The following MEGF11 variants were observed in gnomAD, a reference collection of about 807,000 sequenced individuals.
MEGF11 encodes multiple EGF like domains 11.
In MEGF11, 126 loss-of-function variants were observed where a neutral mutation model predicts 146.6. The ratio of observed to expected loss-of-function variants is 0.86; its 90% CI spans 0.74 to 1.00. MEGF11 has a LOEUF of 1.00. Ranked by LOEUF, MEGF11 falls within the 50% of genes least tolerant of loss-of-function variation. MEGF11 has a pLI of 0.00. For synonymous variants in MEGF11, 532 were observed against 583.4 expected, an observed-to-expected ratio of 0.91 and a Z score of 1.27; for missense variants, 1,509 against 1,521.2, an observed-to-expected ratio of 0.99 and a Z score of 0.13.
At chr15:65,984,191 A>G (rs973958061) in intron 5 of MEGF11, among the ~76,000 whole-genome samples, 1 of 152,146 alleles carries the variant, frequency 6.6e-6, no homozygotes, top group Admixed American at 6.5e-5. Flanking sequence ...TAAAGCAAAA[A>G]TTAAATCCAT....
At chr15:65,900,913 G>T (rs1223990466) in intron 24 of MEGF11, among the ~76,000 whole-genome samples, 1 of 152,204 alleles carries the variant, frequency 6.6e-6, no homozygotes, top group Non-Finnish European at 1.5e-5. Flanking sequence ...CCAGATATAG[G>T]CCCAGATGCT....
At chr15:66,230,746 G>C (rs900109925) in intron 1 of MEGF11, among the ~76,000 whole-genome samples, 5 of 152,230 alleles carry the variant, frequency 3.3e-5, no homozygotes, top group Non-Finnish European at 5.9e-5. Flanking sequence ...GCACTATACT[G>C]TTCTCTCTAC....
At chr15:65,936,782 A>G (rs1238890423) in intron 10 of MEGF11, among the ~76,000 whole-genome samples, 1 of 152,212 alleles carries the variant, frequency 6.6e-6, no homozygotes, top group African/African-American at 2.4e-5. Flanking sequence ...TTTGTAAATA[A>G]TGTGTGAGTG....
chr15:66,207,975 C>T (rs1168750678), intron 1 of MEGF11, among the ~76,000 whole-genome samples: 1 of 151,796 alleles, frequency 6.6e-6, no homozygotes, highest in Non-Finnish European at 1.5e-5. Context: ...GTCCCAGCTA[C>T]TGGGGAGGCT....
chr15:65,912,475 G>A (rs2078845113), intron 20 of MEGF11: 2 of 266,666 alleles, frequency 7.5e-6, no homozygotes, highest in Non-Finnish European at 1.4e-5. Context: ...GAGCCTGGAT[G>A]GGGCATGTTT....
At chr15:66,025,797 C>G (rs778959007) in intron 5 of MEGF11, among the ~76,000 whole-genome samples, 2 of 152,140 alleles carry the variant, frequency 1.3e-5, no homozygotes, top group Non-Finnish European at 2.9e-5. Context: ...AATCCAGACC[C>G]CAGGACCTGC....
At position 65,929,775 on chromosome 15, in the gene MEGF11, C is replaced by T; in HGVS notation, c.1517G>A (p.Gly506Asp). ...CCAGCCAGGAGTGCAGGAGCAGGAG[C>T]CGTCTATGGGGCTGCAGGCTGCCCC... ...ANGAACSPID[G>D]SCSCTPGWLG... The change falls in exon 12 of 26, where the codon GGC becomes GAC. Residue 506 changes from glycine (G) to aspartate (D), a missense_variant. Coordinates refer to ENST00000395614, the MANE Select transcript of MEGF11 (RefSeq NM_001385028.1). 6.4e-7 allele frequency: 1 copy of T among 1,556,788 alleles called. No individual in the cohort carries two copies. Among genetic ancestry groups the T allele is most frequent in the Non-Finnish European group, 8.7e-7 (1 of 1,150,018 alleles).
chr15:65,913,779 T>C lies in MEGF11; in HGVS notation c.2668A>G (p.Thr890Ala). 2 of 1,613,424 alleles carry C rather than the reference T, an allele frequency of 1.2e-6. No individual in the cohort carries two copies. Among genetic ancestry groups the C allele is most frequent in the Non-Finnish European group, 1.7e-6 (2 of 1,179,698 alleles). The change falls in exon 20 of 26, where the codon ACA becomes GCA. Residue 890 changes from threonine (T) to alanine (A), a missense_variant. Thr to Ala is a moderately conservative substitution (Grantham distance 58). Coordinates refer to ENST00000395614, the MANE Select transcript of MEGF11 (RefSeq NM_001385028.1). ...GRDLAPRVSY[T>A]PAMRMTSTDY... Reference sequence around the variant, plus strand: ...GTGCTGGTCATCCTCATGGCAGGTGTGTAGGAGACACGGGGAGCCAGGTCT... The same window carrying C: ...GTGCTGGTCATCCTCATGGCAGGTGCGTAGGAGACACGGGGAGCCAGGTCT...
Position 65,930,913 on chromosome 15 carries a change from C to T in MEGF11, c.1318G>A (p.Gly440Arg). 1 of 1,609,594 alleles carries T rather than the reference C, an allele frequency of 6.2e-7. No homozygotes were observed. The highest frequency in any genetic ancestry group is 8.5e-7 in the Non-Finnish European group (1 of 1,177,286). ...GACGAGCAGTTGGGGCCATAGGTCC[C>T]TGCTGCACAGGAAACGGCACAGACC... ...GEVCAVSCAA[G>R]TYGPNCSSIC... The change falls in exon 11 of 26, where the codon GGG (glycine) becomes AGG (arginine). Residue 440 changes from glycine to arginine, a missense_variant. Gly to Arg is a moderately radical substitution (Grantham distance 125). Transcript: ENST00000395614.
At chr15:66,065,576 C>A (rs975182794) in intron 5 of MEGF11, among the ~76,000 whole-genome samples, 1 of 152,262 alleles carries the variant, frequency 6.6e-6, no homozygotes, top group East Asian at 1.9e-4. Flanking sequence ...CAGCCGTGGT[C>A]CTTGGGCAGG....
At chr15:66,065,936 G>GC (rs2085106227) in intron 5 of MEGF11, among the ~76,000 whole-genome samples, 1 of 152,186 alleles carries the variant, frequency 6.6e-6, no homozygotes, top group African/African-American at 2.4e-5. Context: ...TGAGGGCTGT[G>GC]CCTTGGTGGT....
chr15:66,168,186 C>T (rs1021166168), intron 1 of MEGF11, among the ~76,000 whole-genome samples: 1 of 152,178 alleles, frequency 6.6e-6, no homozygotes, highest in African/African-American at 2.4e-5. Context: ...ACATTCCAGC[C>T]ACCGTGGCCT....
intron 20 of MEGF11, 143 bp downstream of exon 20, chr15:65,913,594 T>C: frequency 1.4e-6 from 1 of 726,100 alleles, no homozygotes; most frequent in Non-Finnish European, 2.4e-6. Context: ...CTAGGTAGGC[T>C]CCTGCTCCCC....
intron 5 of MEGF11, among the ~76,000 whole-genome samples, chr15:66,007,878 G>C (rs1596982704): frequency 6.6e-6 from 1 of 152,274 alleles, no homozygotes; most frequent in Non-Finnish European, 1.5e-5. Flanking sequence ...TGCTGCTAGG[G>C]GGCAGTGGTG....
chr15:66,251,815 G>C (rs908429619), intron 1 of MEGF11, among the ~76,000 whole-genome samples: 3 of 152,218 alleles, frequency 2.0e-5, no homozygotes, highest in Non-Finnish European at 2.9e-5. Context: ...TGAGTGGGAG[G>C]AAGTGGCGAG....
chr15:66,141,235 T>TGG (rs2089135084), intron 1 of MEGF11, among the ~76,000 whole-genome samples: 1 of 24,424 alleles, frequency 4.1e-5, no homozygotes, highest in Non-Finnish European at 8.4e-5. Flanking sequence ...GACTCAGGGG[T>TGG]GTGTGTGTGT....
chr15:66,161,568 T>C (rs557080613), intron 1 of MEGF11, among the ~76,000 whole-genome samples: 1 of 152,224 alleles, frequency 6.6e-6, no homozygotes, highest in Admixed American at 6.5e-5. Flanking sequence ...TGTTTGTTTG[T>C]TTTTTGTGGA....
At chr15:66,102,586 T>G (rs973176259) in intron 4 of MEGF11, among the ~76,000 whole-genome samples, 1 of 150,190 alleles carries the variant, frequency 6.7e-6, no homozygotes, top group Non-Finnish European at 1.5e-5. Flanking sequence ...ACCACCACAA[T>G]TAGCTAATTA....
chr15:65,931,898 A>G (rs924076338), intron 10 of MEGF11, among the ~76,000 whole-genome samples: 1 of 152,236 alleles, frequency 6.6e-6, no homozygotes, highest in Non-Finnish European at 1.5e-5. Flanking sequence ...CACCTAACAG[A>G]TAACTGCATG....
Sources: gnomAD v4.1 joint callset for allele counts (sites outside exome capture counted in the v4.1 genomes callset) on GRCh38, gnomAD v4.1.1 for gene constraint, MANE v1.5 for transcripts, NCBI Gene and HGNC (gene_info 2026-07-23, HGNC 2026-07-21) for gene names.